The following UHMK1 variants were observed in gnomAD, a reference collection of about 807,000 sequenced individuals.
UHMK1 encodes the protein U2AF homology motif kinase 1.
In UHMK1, 18 loss-of-function variants were observed where a neutral mutation model predicts 44.0. That is an observed-to-expected ratio of 0.41 (90% CI 0.28 to 0.61). The LOEUF is 0.61. UHMK1 is among the 20% of genes least tolerant of loss of function. UHMK1 has a pLI of 0.31. For missense variants in UHMK1, 463 were observed against 522.5 expected (o/e 0.89, Z 1.11); for synonymous variants, 231 against 198.5 (o/e 1.16, Z -1.38).
At chr1:162,513,848 G>A (rs1320480234) in intron 6 of UHMK1, among the ~76,000 whole-genome samples, 1 of 152,210 alleles carries the variant, frequency 6.6e-6, no homozygotes, top group Non-Finnish European at 1.5e-5. Context: ...ACAGATATGT[G>A]AAGAACTTTG....
Position 162,497,835 on chromosome 1 carries a change from C to T in UHMK1, c.-166C>T, listed in dbSNP as rs1651104609. 15 of 1,354,268 alleles carry T rather than the reference C, an allele frequency of 1.1e-5. No homozygotes were observed. Among genetic ancestry groups the T allele is most frequent in the Non-Finnish European group, 1.4e-5 (15 of 1,058,298 alleles). The allele number at this position is 1,354,268 out of a possible 1,614,324, so 83.9% of individuals were successfully genotyped here. A position where few individuals can be genotyped will look rare whatever the true frequency, so the allele number is the denominator to read the frequency against. On this transcript the variant is annotated 5_prime_UTR_variant, in exon 1 of 8. In the 5' UTR this introduces an upstream ATG that the reference lacks. Coordinates refer to ENST00000489294, the MANE Select transcript of UHMK1 (RefSeq NM_175866.5). ...CGGCTTCTGGGACTCGGGTGCACCA[C>T]GGCTTCCGGTGTCATGGCTGCTTGA... is the stretch of plus-strand genomic sequence containing the variant.
chr1:162,514,572 A>T (rs900488665), intron 6 of UHMK1, among the ~76,000 whole-genome samples: 2 of 152,210 alleles, frequency 1.3e-5, no homozygotes, highest in African/African-American at 4.8e-5. Context: ...TAGCACTGAC[A>T]CACAGTAGGC....
At chr1:162,500,675 T>C (rs1297496820) in intron 2 of UHMK1, 5 of 490,742 alleles carry the variant, frequency 1.0e-5, no homozygotes, top group Non-Finnish European at 1.4e-5. Context: ...CAGTGCCTAA[T>C]AGGTAAGAGA....
At chr1:162,499,846 A>G in intron 1 of UHMK1, 109 bp from the exon 2 acceptor site, 6 of 1,022,336 alleles carry the variant, frequency 5.9e-6, no homozygotes, top group Non-Finnish European at 8.5e-6. Flanking sequence ...AAGCTTGCTC[A>G]TCAAAGTTAT....
chr1:162,499,865 A>G (rs903166726), intron 1 of UHMK1, 90 bp from the exon 2 acceptor site: 3 of 1,234,772 alleles, frequency 2.4e-6, no homozygotes, highest in African/African-American at 3.0e-5. Context: ...ATCCTTATCT[A>G]GACTATCTCA....
chr1:162,517,465 A>G (rs961366971), intron 6 of UHMK1, among the ~76,000 whole-genome samples: 1 of 152,230 alleles, frequency 6.6e-6, no homozygotes, highest in Non-Finnish European at 1.5e-5. Context: ...TTTCATAACC[A>G]TTAAAACAAA....
Position 162,499,937 on chromosome 1 carries a change from TATA to T in UHMK1, c.269-15_269-13del. 2 of 1,611,486 alleles carry T rather than the reference TATA, an allele frequency of 1.2e-6. No individual in the cohort carries two copies. The highest frequency in any genetic ancestry group is 1.7e-6 in the Non-Finnish European group (2 of 1,178,852). ...ACTCTGAGTCTGATTTTTAAAGTAT[TATA>T]ATTTCTTTTTCTAGTGACTTTGTAT... On this transcript the variant is annotated splice_polypyrimidine_tract_variant and intron_variant, in intron 1 of 7. Coordinates refer to ENST00000489294, the MANE Select transcript of UHMK1 (RefSeq NM_175866.5).
In UHMK1 at chr1:162,528,916, A is replaced by C. The variant is rs965902167; in HGVS notation, c.*6366A>C. 1.3e-5 allele frequency: 2 copies of C among 152,122 alleles called. No individual in the cohort carries two copies. The highest frequency in any genetic ancestry group is 1.3e-4 in the Admixed American group (2 of 15,258). 9.4% of individuals were successfully genotyped at this position (152,122 alleles called of 1,614,324 possible). A position where few individuals can be genotyped will look rare whatever the true frequency, so the allele number is the denominator to read the frequency against. Reference sequence around the variant, plus strand: ...TTAGAAAATCTAAGTATGATCAATAAATTTTAATGGTTGATGGCATCCTGT... The same window carrying C: ...TTAGAAAATCTAAGTATGATCAATACATTTTAATGGTTGATGGCATCCTGT... On this transcript the variant is annotated 3_prime_UTR_variant, in exon 8 of 8. Transcript: ENST00000489294.
chr1:162,519,762 G>T (rs1651987466), intron 7 of UHMK1, among the ~76,000 whole-genome samples: 1 of 152,016 alleles, frequency 6.6e-6, no homozygotes, highest in Non-Finnish European at 1.5e-5. Flanking sequence ...TTCTTTTGTT[G>T]GAGTAGCTGT....
chr1:162,512,105 A>G (rs116326826), intron 4 of UHMK1, among the ~76,000 whole-genome samples: 468 of 147,878 alleles, frequency 3.2e-3, no homozygotes, highest in African/African-American at 0.011. Flanking sequence ...GATATTGTCC[A>G]TGGGTTTTTG....
chr1:162,512,899 A>T, intron 6 of UHMK1, 76 bp downstream of exon 6: 1 of 1,337,692 alleles, frequency 7.5e-7, no homozygotes, highest in Non-Finnish European at 1.1e-6. Flanking sequence ...TAACATTTTC[A>T]TATTTCTCAA....
In UHMK1 at chr1:162,497,889, G is replaced by C. The variant is rs893278335; in HGVS notation, c.-112G>C. On this transcript the variant is annotated 5_prime_UTR_variant, in exon 1 of 8. Transcript: ENST00000489294. ...CCCGGGAGTCGGTGAGGCGGCTGCAGGTCCCTCCCTGCGGAGCCGCTGGTC... is the reference window on the plus strand; with the variant it reads ...CCCGGGAGTCGGTGAGGCGGCTGCACGTCCCTCCCTGCGGAGCCGCTGGTC... The C allele has an allele frequency of 2.8e-5, 39 of 1,414,702 alleles. No individual in the cohort carries two copies. In the South Asian group the frequency reaches 6.2e-4, roughly 22 times the overall value. 87.6% of individuals were successfully genotyped at this position (1,414,702 alleles called of 1,614,324 possible).
In UHMK1 at chr1:162,523,773, G is replaced by T. The variant is rs574222712; in HGVS notation, c.*1223G>T. On this transcript the variant is annotated 3_prime_UTR_variant, in exon 8 of 8. Transcript: ENST00000489294. Reference sequence around the variant, plus strand: ...ATCCTTAGCTGAAGACAAACTAGAGGAGCAGCATCCCAGGTAGTTTGGCTT... The same window carrying T: ...ATCCTTAGCTGAAGACAAACTAGAGTAGCAGCATCCCAGGTAGTTTGGCTT... The T allele has an allele frequency of 6.6e-6, 1 of 152,160 alleles. No individual in the cohort carries two copies. Among genetic ancestry groups the T allele is most frequent in the African/African-American group, 2.4e-5 (1 of 41,506 alleles). The allele number at this position is 152,160 out of a possible 1,614,324, so 9.4% of individuals were successfully genotyped here.
At chr1:162,511,777 T>G (rs1451063807) in intron 4 of UHMK1, among the ~76,000 whole-genome samples, 1 of 152,186 alleles carries the variant, frequency 6.6e-6, no homozygotes, top group Non-Finnish European at 1.5e-5. Flanking sequence ...AGGTCAGAGA[T>G]AAGGGTTTAA....
At chr1:162,513,105 C>A in intron 6 of UHMK1, 1 of 340,554 alleles carries the variant, frequency 2.9e-6, no homozygotes, top group Non-Finnish European at 5.7e-6. Context: ...CCAGACCTGG[C>A]TAATTTTGTA....
In UHMK1 at chr1:162,497,949, C is replaced by G; in HGVS notation, c.-52C>G. 1 of 1,440,378 alleles carries G rather than the reference C, an allele frequency of 6.9e-7. No homozygotes were observed. The allele number at this position is 1,440,378 out of a possible 1,614,324, so 89.2% of individuals were successfully genotyped here. ...GAGATGTGACCGCGGGCCCGGCCGGCCTGCCTCAGGCGTCGCGTCAGCTCC... is the reference window on the plus strand; with the variant it reads ...GAGATGTGACCGCGGGCCCGGCCGGGCTGCCTCAGGCGTCGCGTCAGCTCC... On this transcript the variant is annotated 5_prime_UTR_variant, in exon 1 of 8. Transcript: ENST00000489294.
At chr1:162,507,559 C>T (rs1472100194) in intron 4 of UHMK1, among the ~76,000 whole-genome samples, 1 of 151,634 alleles carries the variant, frequency 6.6e-6, no homozygotes, top group African/African-American at 2.4e-5. Context: ...AGGCATAAGC[C>T]ACCACCCCCA....
upstream of UHMK1, chr1:162,497,245 T>C (rs1651078823): frequency 4.3e-6 from 3 of 701,878 alleles, no homozygotes; most frequent in South Asian, 1.5e-5. Context: ...AGAAAATAGA[T>C]TGTAAATGTT....
At chr1:162,512,267 A>C (rs540050460) in intron 4 of UHMK1, among the ~76,000 whole-genome samples, 1 of 150,788 alleles carries the variant, frequency 6.6e-6, no homozygotes, top group South Asian at 2.1e-4. Flanking sequence ...GCAGTGTTTC[A>C]TTTATTAATC....
Sources: allele counts gnomAD v4.1 joint callset (sites outside exome capture counted in the v4.1 genomes callset), GRCh38; gene constraint gnomAD v4.1.1; transcripts MANE v1.5; gene names NCBI Gene and HGNC (gene_info 2026-07-23, HGNC 2026-07-21).